Variants in AGAP3 observed in about 807,000 individuals in gnomAD.
The protein encoded by AGAP3 is ArfGAP with GTPase domain, ankyrin repeat and PH domain 3, also known as arf-GAP with GTPase, ANK repeat and PH domain-containing protein 3.
A neutral mutation model predicts 96.9 loss-of-function variants in AGAP3; 24 were observed. The ratio of observed to expected loss-of-function variants is 0.25; its 90% CI spans 0.18 to 0.35. The LOEUF (loss-of-function observed/expected upper bound fraction) is 0.35. AGAP3 is among the 10% of genes least tolerant of loss of function. AGAP3 has a pLI of 1.00. For missense variants in AGAP3, 876 were observed against 1,254.2 expected, an observed-to-expected ratio of 0.70 and a Z score of 4.55; for synonymous variants, 563 against 536.1, an observed-to-expected ratio of 1.05 and a Z score of -0.69.
chr7:151,143,923 C>T lies in AGAP3; in HGVS notation c.2716C>T (p.Arg906Cys), dbSNP rs767240248. 1.9e-5 allele frequency: 30 copies of T among 1,613,888 alleles called. No homozygotes were observed. Among genetic ancestry groups the T allele is most frequent in the Non-Finnish European group, 2.5e-5 (29 of 1,179,996 alleles). ...NGTNPSAELH[R>C]SPSLL ...CACCAACCCCTCTGCTGAGCTGCAC[C>T]GTAGTCCTAGCCTCCTATAAGGCCC... The change falls in exon 18 of 18, where the codon CGT (arginine) becomes TGT (cysteine). Residue 906 changes from arginine to cysteine, a missense_variant. Physicochemically the swap from Arg to Cys is radical, Grantham distance 180. This residue lies in a region of AGAP3 where 213 missense variants were observed against 253.8 expected (regional missense o/e 0.84). Coordinates refer to ENST00000397238, the MANE Select transcript of AGAP3 (RefSeq NM_031946.7). This position sits in a 1 kb window ranked among gnomAD's most constrained non-coding sequence, Gnocchi z 5.9.
Position 151,142,342 on chromosome 7 carries a change from C to T in AGAP3, c.2051-70C>T. ...GGGAGCAGGGAAGAGGGCAGGGAAGCCTTCCCTAGTTGTCCCGCGCTCTGG... is the reference window on the plus strand; with the variant it reads ...GGGAGCAGGGAAGAGGGCAGGGAAGTCTTCCCTAGTTGTCCCGCGCTCTGG... On this transcript the variant is annotated intron_variant, in intron 15 of 17. Transcript: ENST00000397238. This position sits in a 1 kb window ranked among gnomAD's most constrained non-coding sequence, Gnocchi z 7.5. 6.3e-7 allele frequency: 1 copy of T among 1,589,894 alleles called. No individual in the cohort carries two copies. Among genetic ancestry groups the T allele is most frequent in the South Asian group, 1.1e-5 (1 of 89,744 alleles).
chr7:151,131,730 G>C (rs201136172), intron 10 of AGAP3, among the ~76,000 whole-genome samples: 1 of 152,196 alleles, frequency 6.6e-6, no homozygotes, highest in Non-Finnish European at 1.5e-5. Flanking sequence ...TTTCCCCCGA[G>C]GCCAGTTTCT....
intron 8 of AGAP3, chr7:151,120,523 A>G: frequency 1.2e-6 from 1 of 821,580 alleles, no homozygotes; most frequent in African/African-American, 1.7e-5. Flanking sequence ...TCAACAGCTA[A>G]TGAACCGGCG....
At chr7:151,122,544 CCTT>C (rs904552679) in intron 8 of AGAP3, among the ~76,000 whole-genome samples, 21 of 151,658 alleles carry the variant, frequency 1.4e-4, no homozygotes, top group Non-Finnish European at 2.5e-4. Flanking sequence ...TGGTCCTCCT[CCTT>C]CTCCTCCTCC....
chr7:151,113,917 A>G (rs530051121), intron 1 of AGAP3, among the ~76,000 whole-genome samples: 339 of 152,256 alleles, frequency 2.2e-3, no homozygotes, highest in African/African-American at 7.6e-3. Context: ...CCAGTACCGC[A>G]GGCTACCACT....
rs1362958931 is a variant in AGAP3, at chr7:151,131,496, C to T, written c.1326+2812C>T. On this transcript the variant is annotated intron_variant, in intron 10 of 17. Transcript: ENST00000397238. ...GACCGCTCTCCTGAGCAGCCGCCAC[C>T]GCCACCATGCTCCCCGTTCTGCTGA... is the stretch of plus-strand genomic sequence containing the variant. Among the ~76,000 whole-genome samples the T allele has an allele frequency of 3.3e-5, 5 of 152,194 alleles. No individual in the cohort carries two copies. The East Asian group carries it at 5.8e-4, about 18-fold the overall frequency.
chr7:151,134,615 G>A (rs1230999123), intron 11 of AGAP3, 47 bp downstream of exon 11: 3 of 1,537,418 alleles, frequency 2.0e-6, no homozygotes, highest in Non-Finnish European at 1.8e-6. Flanking sequence ...CTGCCTTGGA[G>A]CCAAGGCAAG....
chr7:151,095,158 T>A (rs193186886), intron 1 of AGAP3, among the ~76,000 whole-genome samples: 45 of 152,372 alleles, frequency 3.0e-4, no homozygotes, highest in African/African-American at 1.1e-3. Flanking sequence ...CTTATTGAGC[T>A]GAAGACCGTT....
intron 10 of AGAP3, among the ~76,000 whole-genome samples, chr7:151,130,090 A>G (rs1177987115): frequency 6.6e-6 from 1 of 152,054 alleles, no homozygotes; most frequent in Non-Finnish European, 1.5e-5. Flanking sequence ...TCGGTGGCGG[A>G]GCTTGGGAAT....
chr7:151,105,737 G>A (rs556862164), intron 1 of AGAP3, among the ~76,000 whole-genome samples: 51 of 142,018 alleles, frequency 3.6e-4, no homozygotes, highest in African/African-American at 1.3e-3. Context: ...ACTGCACTCC[G>A]GCCTGGGGAA....
chr7:151,115,395 G>C, intron 1 of AGAP3: 1 of 1,019,596 alleles, frequency 9.8e-7, no homozygotes, highest in South Asian at 4.4e-5. Flanking sequence ...AGGGCTGCTG[G>C]CCCGGCCGCC....
Position 151,135,294 on chromosome 7 carries a change from C to T in AGAP3, c.1495+726C>T, listed in dbSNP as rs190435363. Among the ~76,000 whole-genome samples, 4 of 152,342 alleles carry T rather than the reference C, an allele frequency of 2.6e-5. No individual in the cohort carries two copies. The East Asian group carries it at 5.8e-4, about 22-fold the overall frequency. Reference sequence around the variant, plus strand: ...CCAGTGTTGTCCTAGACCATTGGATCTCATGTTCCCTGGGCCCAGTAACAG... The same window carrying T: ...CCAGTGTTGTCCTAGACCATTGGATTTCATGTTCCCTGGGCCCAGTAACAG... On this transcript the variant is annotated intron_variant, in intron 11 of 17. Coordinates refer to ENST00000397238, the MANE Select transcript of AGAP3 (RefSeq NM_031946.7).
chr7:151,102,699 T>A (rs1223816419), intron 1 of AGAP3, among the ~76,000 whole-genome samples: 1 of 151,846 alleles, frequency 6.6e-6, no homozygotes, highest in Non-Finnish European at 1.5e-5. Flanking sequence ...CACTGCAACC[T>A]CTGCATCCCA....
At chr7:151,121,804 G>A (rs774603887) in intron 8 of AGAP3, among the ~76,000 whole-genome samples, 2 of 152,270 alleles carry the variant, frequency 1.3e-5, no homozygotes, top group South Asian at 2.1e-4. Flanking sequence ...CTCAAGACGC[G>A]TCCGTCTCTG....
chr7:151,116,744 A>T lies in AGAP3; in HGVS notation c.332-49A>T, dbSNP rs748402014. ...TGACACAGGCAGCAGTGGTTGGGAC[A>T]GGTGTGTGTGCCACCCTGGCCCTGA... is the stretch of plus-strand genomic sequence containing the variant. On this transcript the variant is annotated intron_variant, in intron 1 of 17. Coordinates refer to ENST00000397238, the MANE Select transcript of AGAP3 (RefSeq NM_031946.7). 10 of 1,608,224 alleles carry T rather than the reference A, an allele frequency of 6.2e-6. No homozygotes were observed. The East Asian group carries it at 2.0e-4, about 32-fold the overall frequency.
intron 1 of AGAP3, among the ~76,000 whole-genome samples, chr7:151,101,487 G>C (rs553647764): frequency 6.6e-6 from 1 of 152,364 alleles, no homozygotes; most frequent in African/African-American, 2.4e-5. Flanking sequence ...GGGGTGCCCA[G>C]GTGGCTGGGA....
chr7:151,103,980 C>G (rs1225782727), intron 1 of AGAP3, among the ~76,000 whole-genome samples: 1 of 152,146 alleles, frequency 6.6e-6, no homozygotes, highest in Non-Finnish European at 1.5e-5. Flanking sequence ...GGTTCCTCCA[C>G]GGGACCACAG....
chr7:151,123,199 C>T (rs1158133596), intron 8 of AGAP3: 14 of 1,073,548 alleles, frequency 1.3e-5, no homozygotes, highest in Admixed American at 5.1e-5. Flanking sequence ...CGGAAGCCGC[C>T]GCCGCCGCCG....
chr7:151,101,981 C>T (rs1798850515), intron 1 of AGAP3, among the ~76,000 whole-genome samples: 1 of 152,172 alleles, frequency 6.6e-6, no homozygotes, highest in South Asian at 2.1e-4. Context: ...CCTTCCTTCC[C>T]AGGTGACCCC....
Sources: gnomAD v4.1 joint callset for allele counts (sites outside exome capture counted in the v4.1 genomes callset) on GRCh38, gnomAD v4.1.1 for gene constraint, gnomAD v4.1.1 regional missense constraint, Gnocchi (gnomAD v3.1) non-coding constraint, MANE v1.5 for transcripts, NCBI Gene and HGNC (gene_info 2026-07-23, HGNC 2026-07-21) for gene names.